The following QTMAN variants were observed in gnomAD, a reference collection of about 807,000 sequenced individuals.
QTMAN encodes the protein queuosine-tRNA mannosyltransferase.
At chr2:144,183,521 A>C in the QTMAN span, among the ~76,000 whole-genome samples, 2 of 152,210 alleles carry the variant, frequency 1.3e-5, no homozygotes, top group African/African-American at 2.4e-5. Context: ...TAATCAATGT[A>C]TTTAATTTAA....
At chr2:144,133,142 T>A in the QTMAN span, among the ~76,000 whole-genome samples, 2 of 54,178 alleles carry the variant, frequency 3.7e-5, no homozygotes, top group African/African-American at 2.8e-4. Flanking sequence ...TATATATATA[T>A]ATATATATAA....
chr2:144,262,278 T>C, the QTMAN span, among the ~76,000 whole-genome samples: 47 of 152,228 alleles, frequency 3.1e-4, no homozygotes, highest in African/African-American at 1.1e-3. Context: ...AAGTCCAGTG[T>C]AGTACCTGCT....
the QTMAN span, among the ~76,000 whole-genome samples, chr2:144,225,210 T>G: frequency 6.6e-6 from 1 of 152,214 alleles, no homozygotes; most frequent in South Asian, 2.1e-4. Flanking sequence ...AGTACACTGC[T>G]GCACACCTCT....
chr2:144,079,800 A>T, the QTMAN span, among the ~76,000 whole-genome samples: 1 of 152,134 alleles, frequency 6.6e-6, no homozygotes, highest in Non-Finnish European at 1.5e-5. Context: ...AGATAATTGC[A>T]TATTACATAG....
At chr2:144,051,603 G>A in the QTMAN span, among the ~76,000 whole-genome samples, 1 of 152,162 alleles carries the variant, frequency 6.6e-6, no homozygotes, top group African/African-American at 2.4e-5. Context: ...AGTTGCAAAA[G>A]AGAACATACG....
chr2:144,077,477 C>T, the QTMAN span, among the ~76,000 whole-genome samples: 1 of 152,168 alleles, frequency 6.6e-6, no homozygotes, highest in Non-Finnish European at 1.5e-5. Context: ...AGATACTGAT[C>T]TATAAATCTG....
At chr2:144,210,691 G>T in the QTMAN span, 1 of 152,204 alleles carries the variant, frequency 6.6e-6, no homozygotes, top group African/African-American at 2.4e-5. Flanking sequence ...GTTCAACAAA[G>T]TGGTAGCCAT....
the QTMAN span, among the ~76,000 whole-genome samples, chr2:144,209,329 T>C: frequency 6.6e-6 from 1 of 152,228 alleles, no homozygotes; most frequent in Non-Finnish European, 1.5e-5. Flanking sequence ...CAGGTATAAC[T>C]GCCCCTAGTG....
At chr2:144,317,612 G>A in the QTMAN span, 4 of 152,120 alleles carry the variant, frequency 2.6e-5, no homozygotes, top group African/African-American at 7.2e-5. Flanking sequence ...TAAAACTGAT[G>A]AATTCTCAAG....
chr2:144,266,343 C>A, the QTMAN span, among the ~76,000 whole-genome samples: 1 of 152,198 alleles, frequency 6.6e-6, no homozygotes, highest in Non-Finnish European at 1.5e-5. Context: ...AAAAAAGAAT[C>A]AGAGCTTGGG....
At chr2:144,103,120 G>A in the QTMAN span, among the ~76,000 whole-genome samples, 1 of 152,152 alleles carries the variant, frequency 6.6e-6, no homozygotes, top group Non-Finnish European at 1.5e-5. Flanking sequence ...ATAACAACTA[G>A]CATTTACTGA....
chr2:144,327,322 T>C, the QTMAN span, among the ~76,000 whole-genome samples: 1 of 152,188 alleles, frequency 6.6e-6, no homozygotes, highest in East Asian at 1.9e-4. Context: ...CCCTGAGTTC[T>C]GTCACTCCAG....
the QTMAN span, among the ~76,000 whole-genome samples, chr2:144,205,231 G>A: frequency 2.0e-5 from 3 of 152,154 alleles, no homozygotes; most frequent in Non-Finnish European, 4.4e-5. Flanking sequence ...CACTAATCCA[G>A]GCACTTTGCA....
the QTMAN span, among the ~76,000 whole-genome samples, chr2:144,215,639 C>T: frequency 6.6e-6 from 1 of 152,238 alleles, no homozygotes; most frequent in Non-Finnish European, 1.5e-5. Flanking sequence ...GCTATTAATT[C>T]CATGAATGAT....
At chr2:144,182,851 T>A in the QTMAN span, among the ~76,000 whole-genome samples, 74 of 49,274 alleles carry the variant, frequency 1.5e-3, no homozygotes, top group Non-Finnish European at 2.4e-3. Flanking sequence ...TATATATATA[T>A]TTTATATATA....
At chr2:144,188,626 T>C in the QTMAN span, among the ~76,000 whole-genome samples, 1 of 152,032 alleles carries the variant, frequency 6.6e-6, no homozygotes, top group Non-Finnish European at 1.5e-5. Context: ...GGATTGAGAA[T>C]TATAAAACTT....
the QTMAN span, among the ~76,000 whole-genome samples, chr2:144,033,663 G>A: frequency 6.6e-6 from 1 of 152,152 alleles, no homozygotes; most frequent in Non-Finnish European, 1.5e-5. Flanking sequence ...AGGTCAGAGT[G>A]TGGGTGGGGC....
the QTMAN span, among the ~76,000 whole-genome samples, chr2:144,122,538 G>A: frequency 6.6e-6 from 1 of 152,106 alleles, no homozygotes; most frequent in African/African-American, 2.4e-5. Context: ...TAATGGAAAG[G>A]ATACTAAATG....
the QTMAN span, chr2:144,208,852 T>C: frequency 9.5e-7 from 1 of 1,051,604 alleles, no homozygotes; most frequent in Non-Finnish European, 1.3e-6. Flanking sequence ...CATACATGTA[T>C]AAAATTTTTA....
Sources: allele counts gnomAD v4.1 joint callset (sites outside exome capture counted in the v4.1 genomes callset), GRCh38; gene constraint gnomAD v4.1.1; transcripts MANE v1.5; gene names NCBI Gene and HGNC (gene_info 2026-07-23, HGNC 2026-07-21).